STAT4: variants seen among roughly 807,000 people sequenced by gnomAD.
STAT4 encodes signal transducer and activator of transcription 4.
STAT4 carries 42 observed loss-of-function variants against 110.5 expected under a neutral mutation model. The ratio of observed to expected loss-of-function variants is 0.38; its 90% CI spans 0.30 to 0.49. STAT4 has a LOEUF of 0.49. STAT4 is among the 20% of genes least tolerant of loss of function. The pLI is 0.95. For synonymous variants in STAT4, 284 were observed against 302.2 expected (o/e 0.94, Z 0.63); for missense variants, 632 against 887.9 (o/e 0.71, Z 3.66).
At chr2:191,148,350 T>C (rs1198275287) in intron 1 of STAT4, 146 bp from the exon 2 acceptor site, 4 of 1,044,968 alleles carry the variant, frequency 3.8e-6, no homozygotes, top group Non-Finnish European at 5.3e-6. Flanking sequence ...TTTTTTTTCA[T>C]AATTCAACCC....
chr2:191,061,834 G>A lies in STAT4; in HGVS notation c.942-13C>T. On this transcript the variant is annotated splice_polypyrimidine_tract_variant and intron_variant, in intron 9 of 23. Coordinates refer to ENST00000392320, the MANE Select transcript of STAT4 (RefSeq NM_003151.4). This position sits in a 1 kb window ranked among gnomAD's most constrained non-coding sequence, Gnocchi z 6.2. ...AACCACAAATGAGCTAGATGAAAAG[G>A]AAATAAAGCGCATCATTTGAAAACA... The A allele has an allele frequency of 6.2e-7, 1 of 1,607,936 alleles. No homozygotes were observed. The highest frequency in any genetic ancestry group is 8.5e-7 in the Non-Finnish European group (1 of 1,176,444).
At chr2:191,148,858 A>G (rs1190009618) in intron 1 of STAT4, among the ~76,000 whole-genome samples, 2 of 152,158 alleles carry the variant, frequency 1.3e-5, no homozygotes, top group Non-Finnish European at 2.9e-5. Flanking sequence ...GTGAGGATCC[A>G]TTATAGATGG....
chr2:191,149,723 A>G (rs891667712), intron 1 of STAT4, among the ~76,000 whole-genome samples: 1 of 152,206 alleles, frequency 6.6e-6, no homozygotes, highest in African/African-American at 2.4e-5. Context: ...TATATTCCAC[A>G]CAAAATTGGA....
intron 6 of STAT4, among the ~76,000 whole-genome samples, chr2:191,068,977 C>G (rs1697070030): frequency 6.6e-6 from 1 of 151,998 alleles, no homozygotes; most frequent in Admixed American, 6.6e-5. Context: ...TTGCAGTGAC[C>G]TTACATTTTG....
rs911189628 is a variant in STAT4, at chr2:191,036,034, G to T, written c.1570+130C>A. Reference sequence around the variant, plus strand: ...AATATAACACTTAGTTCTGTGCCTGGCAATATAGTAGGCATTGAATAAATT... The same window carrying T: ...AATATAACACTTAGTTCTGTGCCTGTCAATATAGTAGGCATTGAATAAATT... On this transcript the variant is annotated intron_variant, in intron 17 of 23. Transcript: ENST00000392320. 17 of 1,125,594 alleles carry T rather than the reference G, an allele frequency of 1.5e-5. No individual in the cohort carries two copies. The African/African-American group carries it at 2.1e-4, about 14-fold the overall frequency. 69.7% of individuals were successfully genotyped at this position (1,125,594 alleles called of 1,614,324 possible).
In STAT4 at chr2:191,112,980, T is replaced by C. The variant is rs1257405780; in HGVS notation, c.273+33633A>G. Among the ~76,000 whole-genome samples, 1 of 152,240 alleles carries C rather than the reference T, an allele frequency of 6.6e-6. No homozygotes were observed. Among genetic ancestry groups the C allele is most frequent in the African/African-American group, 2.4e-5 (1 of 41,458 alleles). On this transcript the variant is annotated intron_variant, in intron 3 of 23. Transcript: ENST00000392320. The surrounding 1 kb of genome is among the most constrained non-coding windows in gnomAD (Gnocchi z 4.3). ...ACTTTGCTCCCTAGCAGGAAGGGCATTCCCATAGCTCTCTGCTGTTCTTGC... is the reference window on the plus strand; with the variant it reads ...ACTTTGCTCCCTAGCAGGAAGGGCACTCCCATAGCTCTCTGCTGTTCTTGC...
At position 191,096,401 on chromosome 2, in the gene STAT4, C is replaced by A. The variant is rs151111791; in HGVS notation, c.274-20076G>T. On this transcript the variant is annotated intron_variant, in intron 3 of 23. Coordinates refer to ENST00000392320, the MANE Select transcript of STAT4 (RefSeq NM_003151.4). ...TACTGGCAAACTGAATCCAGCAGCACATCAAAAAGCTTATCCACCACGATC... is the reference window on the plus strand; with the variant it reads ...TACTGGCAAACTGAATCCAGCAGCAAATCAAAAAGCTTATCCACCACGATC... Among the ~76,000 whole-genome samples the A allele has an allele frequency of 7.3e-3, 1,110 of 152,292 alleles. 29 individuals carry two copies. In the East Asian group the frequency reaches 0.094, roughly 13 times the overall value.
intron 3 of STAT4, among the ~76,000 whole-genome samples, chr2:191,079,264 T>C (rs909566644): frequency 4.0e-5 from 3 of 74,552 alleles, no homozygotes; most frequent in African/African-American, 1.1e-4. Context: ...CACACCCTGG[T>C]TGAGAATTTG....
At chr2:191,127,257 T>A (rs1462705312) in intron 3 of STAT4, among the ~76,000 whole-genome samples, 1 of 152,186 alleles carries the variant, frequency 6.6e-6, no homozygotes, top group Admixed American at 6.5e-5. Flanking sequence ...CCTTTGATGG[T>A]TCCCTATTAA....
intron 3 of STAT4, among the ~76,000 whole-genome samples, chr2:191,084,567 A>C (rs1559059809): frequency 1.3e-5 from 2 of 152,172 alleles, no homozygotes; most frequent in Non-Finnish European, 1.5e-5. Flanking sequence ...GGTTTTATTA[A>C]AGGAAAATTA....
chr2:191,085,508 A>C (rs1158911836), intron 3 of STAT4, among the ~76,000 whole-genome samples: 2 of 151,998 alleles, frequency 1.3e-5, no homozygotes, highest in Non-Finnish European at 2.9e-5. Flanking sequence ...TGATATGTCT[A>C]TGTTATCAGT....
chr2:191,089,283 TG>T lies in STAT4; in HGVS notation c.274-12959del, dbSNP rs1458022790. The stretch of plus-strand genomic sequence containing the variant: ...TGTCTCACCAAAGAAGATATATAGA[TG>T]AAAAATAGGCATATGAAAAGATGCT... On this transcript the variant is annotated intron_variant, in intron 3 of 23. Transcript: ENST00000392320. Among the ~76,000 whole-genome samples, 7 of 152,284 alleles carry T rather than the reference TG, an allele frequency of 4.6e-5. No homozygotes were observed. In the South Asian group the frequency reaches 1.5e-3, roughly 32 times the overall value.
At chr2:191,075,423 C>G (rs544517704) in intron 4 of STAT4, among the ~76,000 whole-genome samples, 1 of 152,228 alleles carries the variant, frequency 6.6e-6, no homozygotes, top group African/African-American at 2.4e-5. Context: ...AATCAACAAG[C>G]AAGTATTCAT....
chr2:191,131,074 T>C (rs1176319285), intron 3 of STAT4, among the ~76,000 whole-genome samples: 1 of 151,666 alleles, frequency 6.6e-6, no homozygotes. Context: ...ATAACAAGTG[T>C]AGATGAGAAT....
rs1055983298 is a variant in STAT4 at position 191,058,637 on chromosome 2, T to C, written c.1094+73A>G. ...AATTTAAAAGTTCAAAATTATTCTA[T>C]AAAATAAAGGCCATTCATTTTTAAA... On this transcript the variant is annotated intron_variant, in intron 11 of 23. Coordinates refer to ENST00000392320, the MANE Select transcript of STAT4 (RefSeq NM_003151.4). The surrounding 1 kb of genome is among the most constrained non-coding windows in gnomAD (Gnocchi z 4.3). 72 of 877,334 alleles carry C rather than the reference T, an allele frequency of 8.2e-5. No individual in the cohort carries two copies. Among genetic ancestry groups the C allele is most frequent in the African/African-American group, 1.7e-5 (1 of 57,732 alleles). 54.3% of individuals were successfully genotyped at this position (877,334 alleles called of 1,614,324 possible). A position where few individuals can be genotyped will look rare whatever the true frequency, so the allele number is the denominator to read the frequency against.
At position 191,117,857 on chromosome 2, in the gene STAT4, G is replaced by A. The variant is rs1698613336; in HGVS notation, c.273+28756C>T. On this transcript the variant is annotated intron_variant, in intron 3 of 23. Coordinates refer to ENST00000392320, the MANE Select transcript of STAT4 (RefSeq NM_003151.4). The surrounding 1 kb of genome is among the most constrained non-coding windows in gnomAD (Gnocchi z 5.2). ...CCTATTCAGTGAGAATTGGAAATGGGGGCTGGAAATCTACACTTTTAACAA... is the reference window on the plus strand; with the variant it reads ...CCTATTCAGTGAGAATTGGAAATGGAGGCTGGAAATCTACACTTTTAACAA... 6.7e-6 allele frequency among the ~76,000 whole-genome samples: 1 copy of A among 150,338 alleles called. No individual in the cohort carries two copies. Among genetic ancestry groups the A allele is most frequent in the South Asian group, 2.1e-4 (1 of 4,694 alleles).
chr2:191,039,290 G>A lies in STAT4; in HGVS notation c.1343C>T (p.Ser448Leu). 1 of 1,614,120 alleles carries A rather than the reference G, an allele frequency of 6.2e-7. No homozygotes were observed. Among genetic ancestry groups the A allele is most frequent in the Non-Finnish European group, 8.5e-7 (1 of 1,179,974 alleles). The change falls in exon 16 of 24, where the codon TCA becomes TTA. Residue 448 changes from serine to leucine, a missense_variant. Physicochemically the swap from Ser to Leu is moderately radical, Grantham distance 145. Coordinates refer to ENST00000392320, the MANE Select transcript of STAT4 (RefSeq NM_003151.4). The surrounding 1 kb of genome is among the most constrained non-coding windows in gnomAD (Gnocchi z 4.7). ...ATTGGAAATCATCACCACAGGCAAT[G>A]AGCTGGTCTGGTTTGGGGGGAAAAA... The part of the protein sequence containing the change: ...YGLTIDLETS[S>L]LPVVMISNVS...
Position 191,133,370 on chromosome 2 carries a change from A to C in STAT4, c.273+13243T>G, listed in dbSNP as rs187618956. ...AGATGGTCTTCTAATGGCAAGAAAA[A>C]GGCAAGTAAATATAGAGGAGGTCAG... On this transcript the variant is annotated intron_variant, in intron 3 of 23. Transcript: ENST00000392320. Among the ~76,000 whole-genome samples the C allele has an allele frequency of 3.3e-5, 5 of 150,934 alleles. 1 individual carries two copies. The highest frequency in any genetic ancestry group is 3.3e-4 in the Admixed American group (5 of 15,202).
chr2:191,075,076 C>G (rs1023600707), intron 4 of STAT4, among the ~76,000 whole-genome samples: 8 of 152,022 alleles, frequency 5.3e-5, no homozygotes, highest in African/African-American at 1.4e-4. Flanking sequence ...AGGAGAATTG[C>G]TTGAACCTGG....
Sources: allele counts gnomAD v4.1 joint callset (sites outside exome capture counted in the v4.1 genomes callset), GRCh38; gene constraint gnomAD v4.1.1; non-coding constraint Gnocchi (gnomAD v3.1); transcripts MANE v1.5; gene names NCBI Gene and HGNC (gene_info 2026-07-23, HGNC 2026-07-21).